The following CRYBB2 variants were observed in gnomAD, a reference collection of about 807,000 sequenced individuals.
CRYBB2 encodes the protein beta-crystallin B2.
CRYBB2 carries 12 observed loss-of-function variants against 24.3 expected under a neutral mutation model. That is an observed-to-expected ratio of 0.49 (90% CI 0.32 to 0.80). CRYBB2 has a LOEUF of 0.80. Ranked by LOEUF, CRYBB2 falls within the 30% of genes least tolerant of loss-of-function variation. The pLI, the probability that CRYBB2 is intolerant of heterozygous loss-of-function variation, is 0.04. For synonymous variants in CRYBB2, 98 were observed against 101.6 expected (o/e 0.96, Z 0.21); for missense variants, 198 against 268.5 (o/e 0.74, Z 1.83).
upstream of CRYBB2, among the ~76,000 whole-genome samples, chr22:25,219,318 C>T (rs1207790878): frequency 6.6e-6 from 1 of 152,208 alleles, no homozygotes; most frequent in Non-Finnish European, 1.5e-5. Flanking sequence ...TGAGATGTTC[C>T]TCTGTCTGCC....
chr22:25,231,347 C>CAGTAT (rs1935528615), intron 5 of CRYBB2, among the ~76,000 whole-genome samples: 2 of 129,570 alleles, frequency 1.5e-5, no homozygotes, highest in Non-Finnish European at 3.2e-5. Context: ...CAGTACAGTA[C>CAGTAT]AGTACAGGCC....
intron 5 of CRYBB2, among the ~76,000 whole-genome samples, chr22:25,231,148 C>T (rs1245874844): frequency 6.6e-6 from 1 of 152,202 alleles, no homozygotes; most frequent in Non-Finnish European, 1.5e-5. Context: ...CCAGCACTTT[C>T]ATTAAGTAGC....
At chr22:25,223,984 C>T (rs761070366) in intron 2 of CRYBB2, among the ~76,000 whole-genome samples, 15 of 151,902 alleles carry the variant, frequency 9.9e-5, no homozygotes, top group Non-Finnish European at 1.5e-4. Context: ...ATTAGCTGGG[C>T]GTGGTGGCAG....
upstream of CRYBB2, among the ~76,000 whole-genome samples, chr22:25,218,816 A>AAGAAAGAAAG (rs1935264238): frequency 3.7e-5 from 5 of 135,964 alleles, no homozygotes; most frequent in East Asian, 7.0e-4. Context: ...GAAAGAAAGA[A>AAGAAAGAAAG]AGAAAGAAAG....
upstream of CRYBB2, among the ~76,000 whole-genome samples, chr22:25,211,926 C>T (rs1935111466): frequency 6.6e-6 from 1 of 152,228 alleles, no homozygotes; most frequent in East Asian, 1.9e-4. Flanking sequence ...GGTTTCCTCT[C>T]CTAGCTCTAC....
In CRYBB2 at chr22:25,214,461, T is replaced by TAGA. The variant is rs1433218757; in HGVS notation, c.-27+1623_-27+1625dup. On this transcript the variant is annotated intron_variant, in intron 1 of 5. Transcript: ENST00000651629. ...TCATAGTTGACACATTTGCTTGAAG[T>TAGA]AGAAATGAATAATGAATTAGTAGAA... 5.9e-5 allele frequency among the ~76,000 whole-genome samples: 9 copies of TAGA among 152,332 alleles called. No individual in the cohort carries two copies. In the South Asian group the frequency reaches 1.9e-3, roughly 32 times the overall value.
chr22:25,218,782 GA>G (rs1472618313), upstream of CRYBB2, among the ~76,000 whole-genome samples: 6 of 38,836 alleles, frequency 1.5e-4, no homozygotes, highest in Admixed American at 5.5e-4. Flanking sequence ...AGAGAGAGAA[GA>G]AAGAAAGAAA....
intron 5 of CRYBB2, among the ~76,000 whole-genome samples, chr22:25,231,218 G>A (rs1319848032): frequency 6.6e-6 from 1 of 152,192 alleles, no homozygotes; most frequent in Admixed American, 6.5e-5. Context: ...CTTTGACCTT[G>A]TAGCTGGGCT....
upstream of CRYBB2, among the ~76,000 whole-genome samples, chr22:25,218,715 A>AG (rs1404840816): frequency 4.8e-4 from 49 of 102,942 alleles, 4 homozygotes; most frequent in South Asian, 2.3e-3. Context: ...GGGGAGAGAG[A>AG]GAGAGAGAGA....
chr22:25,226,133 C>A (rs1935409103), intron 3 of CRYBB2, among the ~76,000 whole-genome samples: 1 of 150,536 alleles, frequency 6.6e-6, no homozygotes, highest in Non-Finnish European at 1.5e-5. Context: ...TCAGAAGTAA[C>A]CATTATTAAG....
chr22:25,221,240 C>T (rs1367451463), intron 1 of CRYBB2, among the ~76,000 whole-genome samples, 164 bp from the exon 2 acceptor site: 1 of 152,142 alleles, frequency 6.6e-6, no homozygotes, highest in Non-Finnish European at 1.5e-5. Context: ...AAGCTAAGGA[C>T]AGAAGTTGAA....
At chr22:25,218,836 A>AAGAAAGAAAGAG (rs1569016534), upstream of CRYBB2, among the ~76,000 whole-genome samples, 11 of 96,890 alleles carry the variant, frequency 1.1e-4, no homozygotes, top group African/African-American at 1.4e-4. Flanking sequence ...GAAAGAAAGA[A>AAGAAAGAAAGAG]AGAGAAAGAA....
chr22:25,213,527 T>C lies in CRYBB2; in HGVS notation c.-27+687T>C, dbSNP rs1040851201. 1.1e-4 allele frequency: 17 copies of C among 152,302 alleles called. No homozygotes were observed. The East Asian group carries it at 3.1e-3, about 28-fold the overall frequency. The allele number at this position is 152,302 out of a possible 1,614,324, so 9.4% of individuals were successfully genotyped here. ...AGAGTCACTCAGGGACCCAGGCTGG[T>C]GTGGGCTCTGCCATTTTGCAATGTT... On this transcript the variant is annotated intron_variant, in intron 1 of 5. Transcript: ENST00000651629.
chr22:25,228,951 A>G (rs1268509847), intron 4 of CRYBB2, among the ~76,000 whole-genome samples: 3 of 147,852 alleles, frequency 2.0e-5, no homozygotes, highest in Admixed American at 6.7e-5. Context: ...TGTGCGCGCA[A>G]GTGTGTGCGT....
chr22:25,226,665 G>C (rs1394755629), intron 3 of CRYBB2, among the ~76,000 whole-genome samples: 3 of 151,808 alleles, frequency 2.0e-5, no homozygotes, highest in Non-Finnish European at 4.4e-5. Flanking sequence ...AACTGTTTTT[G>C]TTTGTTTGTT....
intron 2 of CRYBB2, among the ~76,000 whole-genome samples, chr22:25,223,641 C>G (rs975397165): frequency 6.6e-6 from 1 of 152,132 alleles, no homozygotes; most frequent in African/African-American, 2.4e-5. Context: ...GCCTCTAAGC[C>G]CTGTGCCTTT....
At chr22:25,213,960 G>T (rs753368891) in intron 1 of CRYBB2, among the ~76,000 whole-genome samples, 1 of 152,108 alleles carries the variant, frequency 6.6e-6, no homozygotes, top group African/African-American at 2.4e-5. Context: ...GGCACTGGGG[G>T]CACGAAGATG....
At chr22:25,218,707 GGAGAGAGAGAGAGAGA>G (rs765434004), upstream of CRYBB2, among the ~76,000 whole-genome samples, 1 of 24,952 alleles carries the variant, frequency 4.0e-5, no homozygotes, top group Non-Finnish European at 6.6e-5. Context: ...AGAGAGAGGG[GGAGAGAGAGAGAGAGA>G]GAGAGAGAGA....
intron 1 of CRYBB2, among the ~76,000 whole-genome samples, chr22:25,220,357 A>G (rs1393476080): frequency 6.6e-6 from 1 of 152,168 alleles, no homozygotes; most frequent in Admixed American, 6.5e-5. Context: ...GCATAGGGAG[A>G]GGATGAGACC....
Sources: allele counts gnomAD v4.1 joint callset (sites outside exome capture counted in the v4.1 genomes callset), GRCh38; gene constraint gnomAD v4.1.1; transcripts MANE v1.5; gene names NCBI Gene and HGNC (gene_info 2026-07-23, HGNC 2026-07-21).